Variants in IWS1 observed in about 807,000 individuals in gnomAD.
The protein encoded by IWS1 is interacts with SUPT6H, CTD assembly factor 1.
In IWS1, 27 loss-of-function variants were observed where a neutral mutation model predicts 86.7. The observed-to-expected ratio is 0.31, with a 90% CI of 0.23 to 0.43. IWS1 has a LOEUF of 0.43. Ranked by LOEUF, IWS1 falls within the 20% of genes least tolerant of loss-of-function variation. The pLI is 1.00. For missense variants in IWS1, 827 were observed against 1,000.8 expected, an observed-to-expected ratio of 0.83 and a Z score of 2.34; for synonymous variants, 313 against 335.1, an observed-to-expected ratio of 0.93 and a Z score of 0.72.
intron 3 of IWS1, 57 bp downstream of exon 3, chr2:127,504,627 T>C: frequency 8.2e-7 from 1 of 1,222,062 alleles, no homozygotes; most frequent in Non-Finnish European, 1.2e-6. Flanking sequence ...TGTTCCACAG[T>C]TACAAGCTTA....
At chr2:127,512,895 T>C (rs754096036) in intron 2 of IWS1, among the ~76,000 whole-genome samples, 3 of 152,256 alleles carry the variant, frequency 2.0e-5, no homozygotes, top group Non-Finnish European at 2.9e-5. Flanking sequence ...ACACATTATA[T>C]AAACTTAAGC....
chr2:127,509,040 CAT>C (rs1248279955), intron 2 of IWS1, among the ~76,000 whole-genome samples: 1 of 152,068 alleles, frequency 6.6e-6, no homozygotes, highest in Non-Finnish European at 1.5e-5. Context: ...TTCACGAAAA[CAT>C]AGCATTATGT....
intron 13 of IWS1, chr2:127,482,882 G>C (rs1689706016): frequency 6.6e-6 from 1 of 152,028 alleles, no homozygotes; most frequent in East Asian, 1.9e-4. Flanking sequence ...CTTTACCAGA[G>C]CAAGGCCAAA....
In IWS1 at chr2:127,526,403, G is replaced by A; in HGVS notation, c.-195C>T. ...TTGACCTGGAAGCCCCGGCGGAAAA[G>A]GCCGTACCCGGCAGGCTGGCGGGCG... On this transcript the variant is annotated 5_prime_UTR_variant, in exon 1 of 14. Transcript: ENST00000295321. The A allele has an allele frequency of 2.6e-6, 4 of 1,536,186 alleles. No homozygotes were observed. Among genetic ancestry groups the A allele is most frequent in the Non-Finnish European group, 3.5e-6 (4 of 1,145,768 alleles).
In IWS1 at chr2:127,498,101, T is replaced by C. The variant is rs779090840; in HGVS notation, c.1565+39A>G. 5.1e-5 allele frequency: 75 copies of C among 1,484,414 alleles called. 1 individual carries two copies. Among genetic ancestry groups the C allele is most frequent in the Non-Finnish European group, 2.8e-6 (3 of 1,069,550 alleles). The allele number at this position is 1,484,414 out of a possible 1,614,324, so 92.0% of individuals were successfully genotyped here. A position where few individuals can be genotyped will look rare whatever the true frequency, so the allele number is the denominator to read the frequency against. On this transcript the variant is annotated intron_variant, in intron 6 of 13. Transcript: ENST00000295321. ...GTTTAATAGTCTCTACCTTGATTTT[T>C]AAACTTCTCTTTAACAAATTCCTTA...
intron 12 of IWS1, among the ~76,000 whole-genome samples, chr2:127,488,685 G>A (rs544194972): frequency 6.6e-6 from 1 of 152,114 alleles, no homozygotes; most frequent in Non-Finnish European, 1.5e-5. Flanking sequence ...AACTTCCTGT[G>A]GAATCACAAG....
chr2:127,515,125 G>A (rs962829947), intron 2 of IWS1, among the ~76,000 whole-genome samples: 14 of 152,140 alleles, frequency 9.2e-5, no homozygotes, highest in African/African-American at 3.1e-4. Context: ...TTGAGTATTT[G>A]TTTCCTTTCT....
At chr2:127,484,829 C>G (rs1689840402) in intron 13 of IWS1, 1 of 152,176 alleles carries the variant, frequency 6.6e-6, no homozygotes, top group Non-Finnish European at 1.5e-5. Flanking sequence ...AACCCCGTCT[C>G]TACTAAAAAT....
At chr2:127,496,869 C>T (rs971927025) in intron 6 of IWS1, among the ~76,000 whole-genome samples, 7 of 152,166 alleles carry the variant, frequency 4.6e-5, no homozygotes, top group South Asian at 4.1e-4. Context: ...TAAGCCACCA[C>T]GTCCAACTAT....
At chr2:127,497,240 T>C (rs191153609) in intron 6 of IWS1, among the ~76,000 whole-genome samples, 1 of 152,368 alleles carries the variant, frequency 6.6e-6, no homozygotes, top group Non-Finnish European at 1.5e-5. Context: ...CCGGAACTTT[T>C]CATGCACTAT....
intron 1 of IWS1, 53 bp downstream of exon 1, chr2:127,526,122 C>A (rs1692396957): frequency 1.9e-6 from 3 of 1,546,464 alleles, no homozygotes; most frequent in Non-Finnish European, 2.6e-6. Flanking sequence ...AGGCCAAGCC[C>A]CGCCGAGTAA....
chr2:127,481,074 G>C lies in IWS1; in HGVS notation c.2430C>G (p.Ile810Met). The C allele has an allele frequency of 1.2e-6, 2 of 1,611,962 alleles. No individual in the cohort carries two copies. Among genetic ancestry groups the C allele is most frequent in the Non-Finnish European group, 1.7e-6 (2 of 1,179,344 alleles). Residue 810 changes from isoleucine (I) to methionine (M), a missense_variant, in exon 14 of 14, where the codon ATC becomes ATG. Physicochemically the swap from Ile to Met is conservative, Grantham distance 10. Transcript: ENST00000295321. ...KKSRSAHAVK[I>M]SIEGNKMPL ...ATGGCATTTTGTTGCCCTCAATGCT[G>C]ATTTTCACTGCGTGTGCAGATCTGC...
intron 2 of IWS1, among the ~76,000 whole-genome samples, chr2:127,521,973 A>T (rs1396001018): frequency 1.3e-5 from 2 of 152,242 alleles, no homozygotes; most frequent in Non-Finnish European, 2.9e-5. Context: ...TTAAAATATC[A>T]TGCACTAAAT....
intron 1 of IWS1, among the ~76,000 whole-genome samples, chr2:127,524,153 C>G (rs778380766): frequency 6.6e-6 from 1 of 152,188 alleles, no homozygotes; most frequent in Non-Finnish European, 1.5e-5. Context: ...TAACGTGGGT[C>G]TTCTTCACCT....
intron 9 of IWS1, 37 bp from the exon 10 acceptor site, chr2:127,492,125 T>G: frequency 1.5e-6 from 2 of 1,359,066 alleles, no homozygotes; most frequent in Non-Finnish European, 2.1e-6. Context: ...TATTAATCAC[T>G]CGGAAGCTGG....
chr2:127,517,274 C>A (rs759288839), intron 2 of IWS1, among the ~76,000 whole-genome samples: 5 of 152,154 alleles, frequency 3.3e-5, no homozygotes, highest in Non-Finnish European at 2.9e-5. Flanking sequence ...GGTAACTCCA[C>A]GAGACCCAGA....
intron 2 of IWS1, among the ~76,000 whole-genome samples, chr2:127,511,748 AAAT>A (rs1464398991): frequency 1.3e-5 from 2 of 152,256 alleles, no homozygotes; most frequent in Non-Finnish European, 2.9e-5. Flanking sequence ...AATAAATGGA[AAAT>A]AATGTTTGCA....
intron 2 of IWS1, among the ~76,000 whole-genome samples, chr2:127,510,385 CCT>C (rs759765783): frequency 6.6e-5 from 10 of 152,226 alleles, no homozygotes; most frequent in Admixed American, 2.0e-4. Flanking sequence ...CCTTGTGTCC[CCT>C]GTCTATCAAA....
At position 127,494,922 on chromosome 2, in the gene IWS1, T is replaced by C; in HGVS notation, c.1749A>G (p.Pro583=). Residue 583 remains proline, a synonymous_variant, in exon 8 of 14, where the codon CCA becomes CCG. Transcript: ENST00000295321. ...EDRQLNNQKK[P]ALKKLTLLPA... ...GCAGTAAAGTTAATTTTTTCAGTGC[T>C]GGCTTTTTTTGATTGTTCAACTGTC... 6.2e-7 allele frequency: 1 copy of C among 1,603,800 alleles called. No homozygotes were observed. The highest frequency in any genetic ancestry group is 1.1e-5 in the South Asian group (1 of 88,658).
Sources: allele counts gnomAD v4.1 joint callset (sites outside exome capture counted in the v4.1 genomes callset), GRCh38; gene constraint gnomAD v4.1.1; transcripts MANE v1.5; gene names NCBI Gene and HGNC (gene_info 2026-07-23, HGNC 2026-07-21).